The following PBX3 variants were observed in gnomAD, a reference collection of about 807,000 sequenced individuals.
The protein encoded by PBX3 is pre-B-cell leukemia transcription factor 3.
PBX3 carries 14 observed loss-of-function variants against 48.5 expected under a neutral mutation model. The observed-to-expected ratio is 0.29, with a 90% CI of 0.19 to 0.45. PBX3 has a LOEUF of 0.45. Among genes scored for constraint, PBX3 ranks in the 20% least tolerant of loss-of-function variants. PBX3 has a pLI of 1.00. For missense variants in PBX3, 386 were observed against 546.7 expected (o/e 0.71, Z 2.93); for synonymous variants, 210 against 200.3 (o/e 1.05, Z -0.41).
chr9:125,794,410 A>G (rs899302515), intron 2 of PBX3, among the ~76,000 whole-genome samples: 13 of 152,196 alleles, frequency 8.5e-5, no homozygotes, highest in Admixed American at 5.9e-4. Context: ...TTGGGCAACA[A>G]TGAAATTTTA....
rs186214412 is a variant in PBX3 at position 125,806,924 on chromosome 9, A to G, written c.274+58301A>G. Among the ~76,000 whole-genome samples the G allele has an allele frequency of 1.9e-4, 29 of 152,330 alleles. No individual in the cohort carries two copies. The East Asian group carries it at 5.6e-3, about 29-fold the overall frequency. On this transcript the variant is annotated intron_variant, in intron 2 of 8. Transcript: ENST00000373489. ...AGATCACTCACAGAAAGTTTTGAAT[A>G]ATTTGAGAGGAGAAGATATAAGACA...
In PBX3 at chr9:125,803,111, T is replaced by G. The variant is rs938007209; in HGVS notation, c.274+54488T>G. 5.0e-4 allele frequency among the ~76,000 whole-genome samples: 74 copies of G among 149,042 alleles called. 1 individual carries two copies. In the South Asian group the frequency reaches 7.1e-3, roughly 14 times the overall value. The stretch of plus-strand genomic sequence containing the variant: ...AATGTCTTTTTTTTTTTTTTTTTTT[T>G]GAGTCAGAGTCTCGCTGTGTCGCCC... On this transcript the variant is annotated intron_variant, in intron 2 of 8. Transcript: ENST00000373489.
At chr9:125,866,217 A>G (rs533025123) in intron 2 of PBX3, among the ~76,000 whole-genome samples, 1 of 152,280 alleles carries the variant, frequency 6.6e-6, no homozygotes, top group Non-Finnish European at 1.5e-5. Flanking sequence ...ATATCTTTCC[A>G]TGTTAGCAAG....
At position 125,747,498 on chromosome 9, in the gene PBX3, C is replaced by A; in HGVS notation, c.45C>A (p.Asn15Lys). The A allele has an allele frequency of 6.3e-7, 1 of 1,586,708 alleles. No homozygotes were observed. ...SRMLQTLAGV[N>K]LAGHSVQGGM... is the part of the protein sequence containing the mutation. ...TGCTGCAGACTCTGGCCGGGGTGAA[C>A]CTGGCTGGCCACTCGGTGCAGGGGG... The change falls in exon 1 of 9, where the codon AAC (asparagine) becomes AAA (lysine). Residue 15 changes from asparagine to lysine, a missense_variant. Transcript: ENST00000373489.
Position 125,928,398 on chromosome 9 carries a change from G to A in PBX3, c.517-1257G>A, listed in dbSNP as rs1021856669. On this transcript the variant is annotated intron_variant, in intron 3 of 8. Coordinates refer to ENST00000373489, the MANE Select transcript of PBX3 (RefSeq NM_006195.6). ...TGAATATTAGGGGAAACAAATGTGT[G>A]TGTGTGTGTGTGTGTGTGTGTGTGT... 5.4e-5 allele frequency among the ~76,000 whole-genome samples: 8 copies of A among 146,794 alleles called. No individual in the cohort carries two copies. In the South Asian group the frequency reaches 1.3e-3, roughly 23 times the overall value.
chr9:125,949,198 ATTAT>A (rs1041207071), intron 5 of PBX3, among the ~76,000 whole-genome samples: 4 of 152,216 alleles, frequency 2.6e-5, no homozygotes. Flanking sequence ...CCTTGAGCAA[ATTAT>A]TTAATGAGTC....
intron 5 of PBX3, among the ~76,000 whole-genome samples, chr9:125,957,247 A>G (rs1842329635): frequency 6.6e-6 from 1 of 152,238 alleles, no homozygotes; most frequent in Non-Finnish European, 1.5e-5. Flanking sequence ...CATTGCTTCC[A>G]ATTAAACCTT....
chr9:125,870,193 C>A (rs1840086749), intron 2 of PBX3, among the ~76,000 whole-genome samples: 1 of 151,978 alleles, frequency 6.6e-6, no homozygotes, highest in African/African-American at 2.4e-5. Flanking sequence ...CTCAGCCTTC[C>A]AAGTAGCTGG....
chr9:125,779,881 G>A (rs1233259205), intron 2 of PBX3, among the ~76,000 whole-genome samples: 872 of 129,458 alleles, frequency 6.7e-3, no homozygotes, highest in African/African-American at 0.026. Context: ...GGCTGGCCGG[G>A]CGGGGGGCTG....
At chr9:125,891,655 T>C (rs1840646592) in intron 2 of PBX3, among the ~76,000 whole-genome samples, 1 of 152,204 alleles carries the variant, frequency 6.6e-6, no homozygotes. Context: ...GAAAAACATC[T>C]CTATTCTTTA....
intron 2 of PBX3, among the ~76,000 whole-genome samples, chr9:125,785,674 T>G (rs1837438837): frequency 6.6e-6 from 1 of 152,240 alleles, no homozygotes; most frequent in Admixed American, 6.5e-5. Flanking sequence ...TTCTCCCTAA[T>G]AAATTCTCTT....
chr9:125,929,731 A>T lies in PBX3; in HGVS notation c.593A>T (p.Glu198Val). ...AGAACACGTCCCATTTCTCCAAAAG[A>T]GATTGAAAGAATGGTGGGCATCATC... Reference protein sequence around the residue: ...QSRTRPISPKEIERMVGIIHR... With the variant: ...QSRTRPISPKVIERMVGIIHR... Residue 198 changes from glutamate (E) to valine (V), a missense_variant, in exon 4 of 9, where the codon GAG (glutamate) becomes GTG (valine). By Grantham distance (121) the Glu-to-Val change is moderately radical. Around this residue, in one of 4 missense-constraint regions of PBX3, gnomAD observed 74 missense variants for 206.1 expected, o/e 0.36. Coordinates refer to ENST00000373489, the MANE Select transcript of PBX3 (RefSeq NM_006195.6). 3.1e-6 allele frequency: 5 copies of T among 1,613,892 alleles called. No homozygotes were observed. The highest frequency in any genetic ancestry group is 4.2e-6 in the Non-Finnish European group (5 of 1,179,840).
chr9:125,865,460 C>T (rs1386538327), intron 2 of PBX3, among the ~76,000 whole-genome samples: 1 of 152,178 alleles, frequency 6.6e-6, no homozygotes, highest in Non-Finnish European at 1.5e-5. Context: ...ATCTGCAGTG[C>T]TTCATTAGAT....
At chr9:125,890,032 G>A (rs948525348) in intron 2 of PBX3, among the ~76,000 whole-genome samples, 6 of 152,040 alleles carry the variant, frequency 3.9e-5, no homozygotes, top group Admixed American at 3.9e-4. Context: ...TGTGCCCTGG[G>A]GTCAGCACCC....
At position 125,759,622 on chromosome 9, in the gene PBX3, A is replaced by G. The variant is rs867833150; in HGVS notation, c.274+10999A>G. Among the ~76,000 whole-genome samples the G allele has an allele frequency of 2.0e-5, 3 of 152,174 alleles. No individual in the cohort carries two copies. The highest frequency in any genetic ancestry group is 2.4e-5 in the African/African-American group (1 of 41,422). On this transcript the variant is annotated intron_variant, in intron 2 of 8. Coordinates refer to ENST00000373489, the MANE Select transcript of PBX3 (RefSeq NM_006195.6). The surrounding 1 kb of genome is among the most constrained non-coding windows in gnomAD (Gnocchi z 4.2). Reference sequence around the variant, plus strand: ...ACAGATGCTGTTTAAGAAAAGGGGGAACATAATTTTGTGGGCAATGAATTA... The same window carrying G: ...ACAGATGCTGTTTAAGAAAAGGGGGGACATAATTTTGTGGGCAATGAATTA...
chr9:125,958,885 C>T (rs1166285359), intron 5 of PBX3, among the ~76,000 whole-genome samples: 1 of 150,938 alleles, frequency 6.6e-6, no homozygotes, highest in African/African-American at 2.4e-5. Flanking sequence ...CACTGTCTTC[C>T]TCTCTCTCTC....
At chr9:125,748,198 C>T (rs893366697) in intron 1 of PBX3, 2 of 991,778 alleles carry the variant, frequency 2.0e-6, no homozygotes, top group African/African-American at 1.7e-5. Context: ...CGGCCGGCCT[C>T]CTCTGCACAG....
At chr9:125,783,011 T>C (rs1837362939) in intron 2 of PBX3, among the ~76,000 whole-genome samples, 1 of 152,238 alleles carries the variant, frequency 6.6e-6, no homozygotes, top group Non-Finnish European at 1.5e-5. Context: ...TTGATTATAA[T>C]GTGTCTCAAT....
chr9:125,887,385 G>T (rs992950902), intron 2 of PBX3, among the ~76,000 whole-genome samples: 4 of 152,140 alleles, frequency 2.6e-5, no homozygotes, highest in African/African-American at 9.7e-5. Flanking sequence ...CTAAAGAAAA[G>T]CACACGCTAT....
Sources: gnomAD v4.1 joint callset for allele counts (sites outside exome capture counted in the v4.1 genomes callset) on GRCh38, gnomAD v4.1.1 for gene constraint, gnomAD v4.1.1 regional missense constraint, Gnocchi (gnomAD v3.1) non-coding constraint, MANE v1.5 for transcripts, NCBI Gene and HGNC (gene_info 2026-07-23, HGNC 2026-07-21) for gene names.